The following RPS6KA6 variants were observed in gnomAD, a reference collection of about 807,000 sequenced individuals.
RPS6KA6 encodes the protein ribosomal protein S6 kinase A6.
In RPS6KA6, 27 loss-of-function variants were observed where a neutral mutation model predicts 65.4. That is an observed-to-expected ratio of 0.41 (90% CI 0.30 to 0.57). The LOEUF is 0.57. Ranked by LOEUF, RPS6KA6 falls within the 20% of genes least tolerant of loss-of-function variation. The probability of loss-of-function intolerance (pLI) is 0.24; values close to 1 mark genes in which losing one functional copy is unlikely to be tolerated. For synonymous variants in RPS6KA6, 190 were observed against 184.2 expected (o/e 1.03, Z -0.26); for missense variants, 486 against 555.6 (o/e 0.87, Z 1.26).
intron 12 of RPS6KA6, among the ~76,000 whole-genome samples, chrX:84,113,153 G>A (rs1227066676): frequency 9.0e-6 from 1 of 111,239 alleles, no homozygotes; most frequent in African/African-American, 3.3e-5. Context: ...AAGGAACAGT[G>A]AAACTGAGCC....
At chrX:84,170,256 C>A (rs1400865396) in intron 1 of RPS6KA6, among the ~76,000 whole-genome samples, 2 of 108,678 alleles carry the variant, frequency 1.8e-5, no homozygotes, top group African/African-American at 6.7e-5. Flanking sequence ...AAGAAGACTT[C>A]TTCTATTCAA....
At position 84,096,333 on chromosome X, in the gene RPS6KA6, ATAGACAC is replaced by A. The variant is rs748475069; in HGVS notation, c.1854-29_1854-23del. On this transcript the variant is annotated intron_variant, in intron 19 of 21. Transcript: ENST00000262752. ...GTAGCTATTAATAAAATAGATTTTA[ATAGACAC>A]TAGAGGGTAACATACCCAAACAATG... 3.5e-6 allele frequency: 3 copies of A among 845,360 alleles called. No individual in the cohort carries two copies. In the African/African-American group the frequency reaches 6.2e-5, roughly 18 times the overall value. 69.7% of individuals were successfully genotyped at this position (845,360 alleles called of 1,213,427 possible).
At chrX:84,104,738 A>G in intron 16 of RPS6KA6, 81 bp from the exon 17 acceptor site, 2 of 625,484 alleles carry the variant, frequency 3.2e-6, no homozygotes, top group Non-Finnish European at 4.5e-6. Flanking sequence ...AATTATATTT[A>G]CCTTTCTACT....
At chrX:84,153,024 T>C (rs2035355074) in intron 3 of RPS6KA6, among the ~76,000 whole-genome samples, 1 of 111,464 alleles carries the variant, frequency 9.0e-6, no homozygotes, top group South Asian at 3.7e-4. Context: ...CACATGGACG[T>C]TTATATTTTC....
At chrX:84,155,289 T>G (rs1040883059) in intron 3 of RPS6KA6, among the ~76,000 whole-genome samples, 6 of 111,795 alleles carry the variant, frequency 5.4e-5, no homozygotes, top group Non-Finnish European at 1.1e-4. Flanking sequence ...ATTTTTCCCC[T>G]TTAAAACTAA....
intron 20 of RPS6KA6, among the ~76,000 whole-genome samples, chrX:84,075,051 T>C (rs1298544111): frequency 9.0e-6 from 1 of 110,734 alleles, no homozygotes; most frequent in Admixed American, 9.6e-5. Context: ...TGGCCAACAT[T>C]GTGAAACCCC....
At chrX:84,165,600 C>T (rs1007502067) in intron 1 of RPS6KA6, among the ~76,000 whole-genome samples, 4 of 110,964 alleles carry the variant, frequency 3.6e-5, no homozygotes, top group Non-Finnish European at 3.8e-5. Context: ...CAGGAAAAGA[C>T]GCACTTTTGA....
rs2033257233 is a variant in RPS6KA6 at position 84,059,109 on chromosome X, CTTTTCTTTTTTTTT to C, written c.*5154_*5167del. 2 of 22,444 alleles carry C rather than the reference CTTTTCTTTTTTTTT, an allele frequency of 8.9e-5. No individual in the cohort carries two copies. The highest frequency in any genetic ancestry group is 3.1e-4 in the African/African-American group (2 of 6,509). The allele number at this position is 22,444 out of a possible 1,213,427, so 1.8% of individuals were successfully genotyped here. ...TGTGTAACTTTTTAAATGGCTGTTT[CTTTTCTTTTTTTTT>C]TTTTTTTTTTTTTTTTTTTTTTGTG... On this transcript the variant is annotated 3_prime_UTR_variant, in exon 22 of 22. Coordinates refer to ENST00000262752, the MANE Select transcript of RPS6KA6 (RefSeq NM_014496.5).
chrX:84,151,824 G>C (rs971760302), intron 3 of RPS6KA6, among the ~76,000 whole-genome samples: 1 of 111,928 alleles, frequency 8.9e-6, no homozygotes, highest in African/African-American at 3.2e-5. Flanking sequence ...ATGACTACTG[G>C]TACCATTTGA....
At chrX:84,118,003 T>C (rs938885025) in intron 9 of RPS6KA6, among the ~76,000 whole-genome samples, 8 of 110,673 alleles carry the variant, frequency 7.2e-5, no homozygotes, top group African/African-American at 2.6e-4. Context: ...TACACCTTAG[T>C]TGTACACAGA....
chrX:84,167,143 G>A (rs1394287905), intron 1 of RPS6KA6, among the ~76,000 whole-genome samples: 2 of 111,378 alleles, frequency 1.8e-5, no homozygotes, highest in Non-Finnish European at 3.8e-5. Context: ...ACATAAAGAG[G>A]AACATCAAAC....
intron 20 of RPS6KA6, among the ~76,000 whole-genome samples, chrX:84,085,152 A>C (rs1452766650): frequency 9.0e-6 from 1 of 111,406 alleles, no homozygotes; most frequent in African/African-American, 3.3e-5. Flanking sequence ...CTGCAAAGAA[A>C]GAAAATTTGA....
intron 3 of RPS6KA6, among the ~76,000 whole-genome samples, chrX:84,151,917 A>T (rs6622933): frequency 0.051 from 5,659 of 110,864 alleles, 197 homozygotes; most frequent in East Asian, 0.2. Context: ...TGACTTGAGG[A>T]CTCCCTGAAA....
rs1602362491 is a variant in RPS6KA6, at chrX:84,064,019, T to G, written c.*258A>C. 3.8e-6 allele frequency: 1 copy of G among 265,836 alleles called. No homozygotes were observed. The highest frequency in any genetic ancestry group is 2.8e-5 in the African/African-American group (1 of 35,668). 21.9% of individuals were successfully genotyped at this position (265,836 alleles called of 1,213,427 possible). The stretch of plus-strand genomic sequence containing the variant: ...ATTTGAAAGGAATTTTAGAAGCTTG[T>G]GTGCAGAGAAGTTGTGAGGACCTGG... On this transcript the variant is annotated 3_prime_UTR_variant, in exon 22 of 22. Coordinates refer to ENST00000262752, the MANE Select transcript of RPS6KA6 (RefSeq NM_014496.5).
At chrX:84,124,482 T>C (rs1194223689) in intron 8 of RPS6KA6, among the ~76,000 whole-genome samples, 2 of 111,556 alleles carry the variant, frequency 1.8e-5, no homozygotes, top group African/African-American at 6.5e-5. Context: ...AAGAATCAAG[T>C]AGAAATTCTA....
chrX:84,167,790 A>ATG (rs1419346842), intron 1 of RPS6KA6, among the ~76,000 whole-genome samples: 7 of 109,348 alleles, frequency 6.4e-5, no homozygotes, highest in Non-Finnish European at 1.1e-4. Context: ...GAGTGTGTGT[A>ATG]TGTGTGTGTG....
At chrX:84,174,775 T>C (rs1177603770) in intron 1 of RPS6KA6, among the ~76,000 whole-genome samples, 1 of 111,462 alleles carries the variant, frequency 9.0e-6, no homozygotes. Flanking sequence ...CATCTCTCTA[T>C]CATACTGTAA....
intron 20 of RPS6KA6, among the ~76,000 whole-genome samples, chrX:84,094,936 G>C (rs1369015979): frequency 8.9e-6 from 1 of 112,092 alleles, no homozygotes; most frequent in African/African-American, 3.2e-5. Flanking sequence ...AATACTAGTA[G>C]TTCTAATCAC....
chrX:84,154,339 A>G (rs1808189381), intron 3 of RPS6KA6, among the ~76,000 whole-genome samples: 2 of 111,146 alleles, frequency 1.8e-5, no homozygotes, highest in African/African-American at 6.5e-5. Context: ...AAAGCCTTAA[A>G]TCCTTTCTGG....
Sources: gnomAD v4.1 joint callset for allele counts (sites outside exome capture counted in the v4.1 genomes callset) on GRCh38, gnomAD v4.1.1 for gene constraint, MANE v1.5 for transcripts, NCBI Gene and HGNC (gene_info 2026-07-23, HGNC 2026-07-21) for gene names.